The following SEMA3C variants were observed in gnomAD, a reference collection of about 807,000 sequenced individuals.
The protein encoded by SEMA3C is semaphorin-3C.
SEMA3C carries 47 observed loss-of-function variants against 89.4 expected under a neutral mutation model. The observed-to-expected ratio is 0.53, with a 90% CI of 0.42 to 0.67. SEMA3C has a LOEUF of 0.67. SEMA3C is among the 30% of genes least tolerant of loss of function. SEMA3C has a pLI of 0.00. For synonymous variants in SEMA3C, 310 were observed against 320.2 expected (o/e 0.97, Z 0.34); for missense variants, 839 against 929.1 (o/e 0.90, Z 1.26).
intron 16 of SEMA3C, among the ~76,000 whole-genome samples, chr7:80,750,606 A>G (rs1787913041): frequency 6.6e-6 from 1 of 151,610 alleles, no homozygotes; most frequent in Non-Finnish European, 1.5e-5. Context: ...GACCTTGAAG[A>G]CTTTAGGCTA....
chr7:80,750,412 T>C (rs965559160), intron 16 of SEMA3C, among the ~76,000 whole-genome samples: 7 of 134,910 alleles, frequency 5.2e-5, no homozygotes, highest in African/African-American at 8.3e-5. Context: ...AAACAAAATA[T>C]GGCTTACCTA....
At chr7:80,873,158 CG>C (rs1396657714) in intron 2 of SEMA3C, among the ~76,000 whole-genome samples, 1 of 152,034 alleles carries the variant, frequency 6.6e-6, no homozygotes, top group Non-Finnish European at 1.5e-5. Flanking sequence ...AAGCAAAAAG[CG>C]TACAGGGCCC....
chr7:80,824,743 C>T (rs565956188), intron 4 of SEMA3C, among the ~76,000 whole-genome samples: 1 of 152,294 alleles, frequency 6.6e-6, no homozygotes, highest in South Asian at 2.1e-4. Context: ...TCCCACTTCA[C>T]AGCAGCACAG....
chr7:80,902,281 A>G (rs1261240216), intron 2 of SEMA3C, among the ~76,000 whole-genome samples: 2 of 152,222 alleles, frequency 1.3e-5, no homozygotes, highest in East Asian at 3.8e-4. Context: ...GAACAAGTAA[A>G]GATGACATAT....
chr7:80,921,056 T>G (rs1208238305), upstream of SEMA3C, among the ~76,000 whole-genome samples: 2 of 152,196 alleles, frequency 1.3e-5, no homozygotes, highest in Non-Finnish European at 2.9e-5. Context: ...GATAAAGAGT[T>G]GCAAGATGAA....
At chr7:80,895,807 GTGA>G (rs1425939135) in intron 2 of SEMA3C, among the ~76,000 whole-genome samples, 4 of 151,958 alleles carry the variant, frequency 2.6e-5, no homozygotes, top group Non-Finnish European at 5.9e-5. Flanking sequence ...AAAAATTAAG[GTGA>G]TGATTCAATT....
At chr7:80,749,295 A>G (rs1787871653) in intron 16 of SEMA3C, among the ~76,000 whole-genome samples, 1 of 152,170 alleles carries the variant, frequency 6.6e-6, no homozygotes, top group Non-Finnish European at 1.5e-5. Context: ...ATTCCACACC[A>G]ACAACTGTTC....
At chr7:80,838,362 A>T (rs1373722658) in intron 2 of SEMA3C, among the ~76,000 whole-genome samples, 4 of 152,204 alleles carry the variant, frequency 2.6e-5, no homozygotes, top group Non-Finnish European at 5.9e-5. Flanking sequence ...AAATGTCTAT[A>T]AAAATAATTC....
At chr7:80,864,063 T>A (rs1350448774) in intron 2 of SEMA3C, among the ~76,000 whole-genome samples, 1 of 151,672 alleles carries the variant, frequency 6.6e-6, no homozygotes, top group Non-Finnish European at 1.5e-5. Flanking sequence ...TACTCAGCCA[T>A]AAAAACGAAT....
chr7:80,843,164 C>T (rs955931050), intron 2 of SEMA3C, among the ~76,000 whole-genome samples: 2 of 152,026 alleles, frequency 1.3e-5, no homozygotes, highest in Non-Finnish European at 2.9e-5. Context: ...TAGTTAACAA[C>T]AATGTATTAC....
rs1195134789 is a variant in SEMA3C at position 80,744,103 on chromosome 7, G to A, written c.*791C>T. The A allele has an allele frequency of 7.1e-6, 1 of 140,100 alleles. No homozygotes were observed. Among genetic ancestry groups the A allele is most frequent in the East Asian group, 2.2e-4 (1 of 4,648 alleles). The allele number at this position is 140,100 out of a possible 1,614,324, so 8.7% of individuals were successfully genotyped here. On this transcript the variant is annotated 3_prime_UTR_variant, in exon 18 of 18. Coordinates refer to ENST00000265361, the MANE Select transcript of SEMA3C (RefSeq NM_006379.5). ...TAAGAGAACAAACAGTAATAACTGA[G>A]TAGTGCCAGATTATATTCTTTGAGT...
chr7:80,765,124 G>A (rs1788267511), intron 13 of SEMA3C, 31 bp downstream of exon 13: 2 of 1,481,644 alleles, frequency 1.3e-6, no homozygotes, highest in African/African-American at 1.4e-5. Flanking sequence ...CATCATGCAT[G>A]TTCTGAGATT....
At chr7:80,757,699 G>A (rs934157492) in intron 15 of SEMA3C, among the ~76,000 whole-genome samples, 16 of 152,168 alleles carry the variant, frequency 1.1e-4, no homozygotes, top group East Asian at 3.9e-4. Context: ...GGCCGGGAGC[G>A]GTGGCTCACG....
chr7:80,880,646 T>C (rs931675846), intron 2 of SEMA3C, among the ~76,000 whole-genome samples: 40 of 152,286 alleles, frequency 2.6e-4, no homozygotes, highest in African/African-American at 9.4e-4. Flanking sequence ...AATCACAGGC[T>C]GGGAGTGGTG....
At position 80,852,457 on chromosome 7, in the gene SEMA3C, C is replaced by T. The variant is rs554903709; in HGVS notation, c.104-23712G>A. ...GGCAAGGATTTTTTGAGTAGTACCCCATGAGCACTAAGCAAAAACGGGATC... is the reference window on the plus strand; with the variant it reads ...GGCAAGGATTTTTTGAGTAGTACCCTATGAGCACTAAGCAAAAACGGGATC... On this transcript the variant is annotated intron_variant, in intron 2 of 17. Coordinates refer to ENST00000265361, the MANE Select transcript of SEMA3C (RefSeq NM_006379.5). 3.0e-3 allele frequency among the ~76,000 whole-genome samples: 451 copies of T among 152,236 alleles called. 2 individuals are homozygous for T. The highest frequency in any genetic ancestry group is 0.011 in the African/African-American group (437 of 41,532).
chr7:80,822,262 C>T (rs1471018539), intron 4 of SEMA3C, among the ~76,000 whole-genome samples: 2 of 151,766 alleles, frequency 1.3e-5, no homozygotes, highest in Admixed American at 1.3e-4. Context: ...GAAAGAAAGG[C>T]ATTAAGTAAT....
intron 2 of SEMA3C, among the ~76,000 whole-genome samples, chr7:80,890,218 GA>G (rs1355649278): frequency 6.6e-6 from 1 of 151,860 alleles, no homozygotes; most frequent in African/African-American, 2.4e-5. Context: ...TCAAGGACAA[GA>G]AAAAAAGACA....
intron 5 of SEMA3C, among the ~76,000 whole-genome samples, chr7:80,812,142 C>G (rs1789484215): frequency 6.6e-6 from 1 of 152,096 alleles, no homozygotes; most frequent in Admixed American, 6.5e-5. Flanking sequence ...AGTTTTGACT[C>G]CTTGAAAAAA....
intron 2 of SEMA3C, among the ~76,000 whole-genome samples, chr7:80,903,824 C>T (rs189163893): frequency 6.6e-6 from 1 of 152,030 alleles, no homozygotes; most frequent in Non-Finnish European, 1.5e-5. Context: ...ATGTAAAGAG[C>T]CAGAACCTGT....
Sources: gnomAD v4.1 joint callset for allele counts (sites outside exome capture counted in the v4.1 genomes callset) on GRCh38, gnomAD v4.1.1 for gene constraint, MANE v1.5 for transcripts, NCBI Gene and HGNC (gene_info 2026-07-23, HGNC 2026-07-21) for gene names.